RBM25: variants seen among roughly 807,000 people sequenced by gnomAD.
RBM25 encodes RNA-binding protein 25.
A neutral mutation model predicts 120.7 loss-of-function variants in RBM25; 19 were observed. The observed-to-expected ratio is 0.16, with a 90% CI of 0.11 to 0.23. The LOEUF is 0.23. Among genes scored for constraint, RBM25 ranks in the 10% least tolerant of loss-of-function variants. The pLI is 1.00. For missense variants in RBM25, 605 were observed against 1,041.5 expected, an observed-to-expected ratio of 0.58 and a Z score of 5.77; for synonymous variants, 390 against 326.7, an observed-to-expected ratio of 1.19 and a Z score of -2.09.
chr14:73,118,690 A>G (rs1896483492), intron 18 of RBM25, among the ~76,000 whole-genome samples: 1 of 152,188 alleles, frequency 6.6e-6, no homozygotes, highest in Non-Finnish European at 1.5e-5. Context: ...GATCACAAAA[A>G]TATGGTACTC....
Position 73,106,085 on chromosome 14 carries a change from A to C in RBM25, c.1377+4A>C. On this transcript the variant is annotated splice_donor_region_variant and intron_variant, in intron 11 of 18. Transcript: ENST00000261973. ...GAAAGAAGCTGCTTATCAAGAGGTA[A>C]GTTGAGAAAATGCCTTTATTCTTAA... is the stretch of plus-strand genomic sequence containing the variant. 1 of 1,602,218 alleles carries C rather than the reference A, an allele frequency of 6.2e-7. No individual in the cohort carries two copies. The highest frequency in any genetic ancestry group is 8.5e-7 in the Non-Finnish European group (1 of 1,177,246).
chr14:73,106,142 T>C (rs1052750202), intron 11 of RBM25, 54 bp from the exon 12 acceptor site: 3 of 1,581,770 alleles, frequency 1.9e-6, no homozygotes, highest in Non-Finnish European at 2.6e-6. Flanking sequence ...TTAATCAATA[T>C]TTATAGAATG....
Position 73,109,345 on chromosome 14 carries a change from A to C in RBM25, c.1545A>C (p.Gly515=). ...CTTTTATCATTCACTTTTACAGAGG[A>C]AGTGCTCTTCAGAAAAGGTTGCGTG... ...DDRDDPKYYR[G]SALQKRLRDR... Residue 515 remains glycine, a synonymous_variant, in exon 14 of 19, where the codon GGA becomes GGC. Transcript: ENST00000261973. 1 of 1,612,814 alleles carries C rather than the reference A, an allele frequency of 6.2e-7. No homozygotes were observed. Among genetic ancestry groups the C allele is most frequent in the Non-Finnish European group, 8.5e-7 (1 of 1,179,358 alleles).
At chr14:73,111,258 A>G in intron 15 of RBM25, 103 bp downstream of exon 15, 1 of 1,044,806 alleles carries the variant, frequency 9.6e-7, no homozygotes, top group Non-Finnish European at 1.4e-6. Flanking sequence ...TTGGTTAGGT[A>G]GATAGAAGAT....
At chr14:73,116,826 G>T (rs1896437148) in intron 18 of RBM25, among the ~76,000 whole-genome samples, 1 of 152,102 alleles carries the variant, frequency 6.6e-6, no homozygotes, top group South Asian at 2.1e-4. Context: ...TTATGATTTT[G>T]TGGCTCGTTG....
At chr14:73,068,375 T>C (rs1895192926) in intron 1 of RBM25, 1 of 662,624 alleles carries the variant, frequency 1.5e-6, no homozygotes, top group Admixed American at 2.2e-5. Flanking sequence ...GGAGAGACAA[T>C]GCTTGTATTT....
intron 11 of RBM25, 21 bp from the exon 12 acceptor site, chr14:73,106,175 T>C: frequency 6.3e-7 from 1 of 1,577,250 alleles, no homozygotes; most frequent in Non-Finnish European, 8.6e-7. Context: ...TTTTAAAGCT[T>C]TGAAAATTTA....
rs1198056111 is a variant in RBM25 at position 73,123,589 on chromosome 14, A to T, written c.*3784A>T. The T allele has an allele frequency of 6.6e-6, 1 of 152,250 alleles. No homozygotes were observed. The highest frequency in any genetic ancestry group is 1.5e-5 in the Non-Finnish European group (1 of 68,046). 9.4% of individuals were successfully genotyped at this position (152,250 alleles called of 1,614,324 possible). The stretch of plus-strand genomic sequence containing the variant: ...AAACAGTCTAGCTGTCAAGAAGAAA[A>T]CAGGGAGATACATACCAAACCCAGG... On this transcript the variant is annotated 3_prime_UTR_variant, in exon 19 of 19. Transcript: ENST00000261973.
chr14:73,082,926 A>G (rs1176362439), intron 4 of RBM25, among the ~76,000 whole-genome samples: 1 of 151,784 alleles, frequency 6.6e-6, no homozygotes, highest in African/African-American at 2.4e-5. Context: ...AAAAACAAAA[A>G]ACAATTATCC....
intron 5 of RBM25, among the ~76,000 whole-genome samples, chr14:73,084,367 C>G (rs1172047244): frequency 6.6e-6 from 1 of 152,126 alleles, no homozygotes; most frequent in Non-Finnish European, 1.5e-5. Context: ...TATTCTATTT[C>G]TAATTTTCCT....
chr14:73,120,019 G>A lies in RBM25; in HGVS notation c.*214G>A. On this transcript the variant is annotated 3_prime_UTR_variant, in exon 19 of 19. Coordinates refer to ENST00000261973, the MANE Select transcript of RBM25 (RefSeq NM_021239.3). ...CCTTGGTTCTCTTTATACTCACCAG[G>A]TACAAATTACTGGTATGTTTTATAA... 2.0e-6 allele frequency: 1 copy of A among 494,444 alleles called. No individual in the cohort carries two copies. The highest frequency in any genetic ancestry group is 3.1e-6 in the Non-Finnish European group (1 of 317,900). 30.6% of individuals were successfully genotyped at this position (494,444 alleles called of 1,614,324 possible).
At position 73,079,678 on chromosome 14, in the gene RBM25, A is replaced by G. The variant is rs763341408; in HGVS notation, c.324+2142A>G. On this transcript the variant is annotated intron_variant, in intron 4 of 18. Transcript: ENST00000261973. ...GGGCAATTACTTTACATCATTCATG[A>G]TTCTTGTTCCTCAACTATTCATATT... Among the ~76,000 whole-genome samples, 28 of 150,496 alleles carry G rather than the reference A, an allele frequency of 1.9e-4. 2 individuals carry two copies. Among genetic ancestry groups the G allele is most frequent in the Non-Finnish European group, 3.4e-4 (23 of 67,126 alleles).
chr14:73,114,125 T>A (rs1359380649), intron 17 of RBM25, among the ~76,000 whole-genome samples, 161 bp from the exon 18 acceptor site: 3 of 151,676 alleles, frequency 2.0e-5, no homozygotes, highest in Non-Finnish European at 2.9e-5. Flanking sequence ...TGGTGCCTCT[T>A]TCGTTGAAGA....
intron 4 of RBM25, among the ~76,000 whole-genome samples, chr14:73,078,565 T>C (rs1895480021): frequency 6.6e-6 from 1 of 152,194 alleles, no homozygotes; most frequent in Non-Finnish European, 1.5e-5. Context: ...GTAATGGCCA[T>C]AATATTAATA....
intron 7 of RBM25, among the ~76,000 whole-genome samples, chr14:73,098,539 T>C (rs1895996341): frequency 6.6e-6 from 1 of 152,248 alleles, no homozygotes; most frequent in Non-Finnish European, 1.5e-5. Flanking sequence ...TAAATTTCAG[T>C]GCCTTTTTAG....
At chr14:73,088,190 A>G in intron 6 of RBM25, 29 bp downstream of exon 6, 1 of 1,612,276 alleles carries the variant, frequency 6.2e-7, no homozygotes, top group Non-Finnish European at 8.5e-7. Flanking sequence ...TATCTTTTCT[A>G]GGCCAGACTG....
rs754674639 is a variant in RBM25, at chr14:73,111,770, G to A, written c.2260G>A (p.Ala754Thr). Residue 754 changes from alanine to threonine, a missense_variant, in exon 16 of 19, where the codon GCT (alanine) becomes ACT (threonine). Physicochemically the swap from Ala to Thr is moderately conservative, Grantham distance 58 (BLOSUM62 0). This residue lies in a region of RBM25 where 465 missense variants were observed against 741.6 expected (regional missense o/e 0.63). Coordinates refer to ENST00000261973, the MANE Select transcript of RBM25 (RefSeq NM_021239.3). ...KIPTAKPELF[A>T]YPLDWSIVDS... ...CCCTACAGCCAAACCTGAGCTCTTC[G>A]CTTATCCCCTGGATTGGTCTATTGT... 1.6e-5 allele frequency: 25 copies of A among 1,611,092 alleles called. No individual in the cohort carries two copies. In the South Asian group the frequency reaches 2.3e-4, roughly 15 times the overall value.
intron 4 of RBM25, among the ~76,000 whole-genome samples, chr14:73,080,752 T>C (rs1895540923): frequency 1.3e-5 from 2 of 152,138 alleles, no homozygotes; most frequent in African/African-American, 4.8e-5. Flanking sequence ...TATTATTATG[T>C]AAATAGTTTT....
At chr14:73,119,573 A>C (rs1174665508) in intron 18 of RBM25, 140 bp from the exon 19 acceptor site, 4 of 1,461,214 alleles carry the variant, frequency 2.7e-6, no homozygotes, top group African/African-American at 2.9e-5. Flanking sequence ...CCACTAAAAC[A>C]ACCTTAAAAT....
Sources: allele counts gnomAD v4.1 joint callset (sites outside exome capture counted in the v4.1 genomes callset), GRCh38; gene constraint gnomAD v4.1.1; regional missense constraint gnomAD v4.1.1; transcripts MANE v1.5; gene names NCBI Gene and HGNC (gene_info 2026-07-23, HGNC 2026-07-21).